GABPB2: variants seen among roughly 807,000 people sequenced by gnomAD.
GABPB2 encodes the protein GA-binding protein subunit beta-2.
GABPB2 carries 23 observed loss-of-function variants against 39.1 expected under a neutral mutation model. That is an observed-to-expected ratio of 0.59 (90% CI 0.42 to 0.83). GABPB2 has a LOEUF of 0.83. Among genes scored for constraint, GABPB2 ranks in the 40% least tolerant of loss-of-function variants. The probability of loss-of-function intolerance (pLI) is 0.00; values close to 1 mark genes in which losing one functional copy is unlikely to be tolerated. For synonymous variants in GABPB2, 184 were observed against 199.3 expected (o/e 0.92, Z 0.65); for missense variants, 467 against 541.1 (o/e 0.86, Z 1.36).
intron 1 of GABPB2, among the ~76,000 whole-genome samples, chr1:151,074,239 T>G (rs906889778): frequency 6.6e-6 from 1 of 150,568 alleles, no homozygotes; most frequent in African/African-American, 2.4e-5. Flanking sequence ...CCTCCCAAAG[T>G]GCTAGGATTA....
At chr1:151,088,087 C>G (rs1344295261) in intron 1 of GABPB2, 103 bp from the exon 2 acceptor site, 2 of 749,422 alleles carry the variant, frequency 2.7e-6, no homozygotes, top group African/African-American at 1.8e-5. Flanking sequence ...TGAGATGTAT[C>G]TTATATACAT....
intron 5 of GABPB2, among the ~76,000 whole-genome samples, chr1:151,102,427 T>C (rs1205557410): frequency 6.6e-6 from 1 of 152,204 alleles, no homozygotes. Context: ...TGACATTCAA[T>C]ATATGAAACT....
At chr1:151,098,972 T>C (rs1454901186) in intron 5 of GABPB2, among the ~76,000 whole-genome samples, 1 of 151,254 alleles carries the variant, frequency 6.6e-6, no homozygotes, top group Non-Finnish European at 1.5e-5. Context: ...TAATCCCAGC[T>C]ACTTGTGAGA....
intron 7 of GABPB2, 118 bp downstream of exon 7, chr1:151,107,340 G>T: frequency 1.7e-6 from 1 of 597,126 alleles, no homozygotes; most frequent in Non-Finnish European, 2.5e-6. Flanking sequence ...ATGCAAGTTG[G>T]GGCAAAGAAG....
chr1:151,086,580 G>A lies in GABPB2; in HGVS notation c.1-1610G>A, dbSNP rs143567022. ...TTTGACCTCATAGTTCCCTAAAAAG[G>A]CATCAGGGACCACCAGGGGTCCATA... is the stretch of plus-strand genomic sequence containing the variant. On this transcript the variant is annotated intron_variant, in intron 1 of 8. Transcript: ENST00000368918. Among the ~76,000 whole-genome samples the A allele has an allele frequency of 2.0e-3, 308 of 152,112 alleles. 2 individuals are homozygous for A. The highest frequency in any genetic ancestry group is 7.0e-3 in the African/African-American group (291 of 41,504).
intron 1 of GABPB2, 63 bp from the exon 2 acceptor site, chr1:151,088,127 A>G: frequency 8.8e-7 from 1 of 1,142,284 alleles, no homozygotes; most frequent in Non-Finnish European, 1.3e-6. Flanking sequence ...TAAAAAATGT[A>G]TTGGCGGCTT....
At chr1:151,085,796 T>C (rs1465309941) in intron 1 of GABPB2, among the ~76,000 whole-genome samples, 1 of 152,140 alleles carries the variant, frequency 6.6e-6, no homozygotes, top group African/African-American at 2.4e-5. Flanking sequence ...TAGTGCTTTT[T>C]CTCAAGAAAA....
At chr1:151,072,273 G>A (rs1306534727) in intron 1 of GABPB2, among the ~76,000 whole-genome samples, 1 of 152,348 alleles carries the variant, frequency 6.6e-6, no homozygotes, top group East Asian at 1.9e-4. Context: ...TTGGCCGGGC[G>A]CAGTGGCTCA....
chr1:151,106,828 A>C (rs191178034), intron 6 of GABPB2, among the ~76,000 whole-genome samples: 386 of 152,282 alleles, frequency 2.5e-3, no homozygotes, highest in Non-Finnish European at 4.3e-3. Context: ...CAGTGAACAC[A>C]TTTTACAAAA....
chr1:151,115,529 T>G (rs1462237213), intron 7 of GABPB2, among the ~76,000 whole-genome samples: 2 of 150,742 alleles, frequency 1.3e-5, no homozygotes, highest in Admixed American at 1.3e-4. Flanking sequence ...GCCTCCCGAG[T>G]AGCTGGGATT....
At position 151,093,187 on chromosome 1, in the gene GABPB2, G is replaced by T; in HGVS notation, c.277-5G>T. ...TTTGTTGAAAAAAATGCTTTTCTGTGACAGAATGGTGCAGATGTGAATGCC... is the reference window on the plus strand; with the variant it reads ...TTTGTTGAAAAAAATGCTTTTCTGTTACAGAATGGTGCAGATGTGAATGCC... On this transcript the variant is annotated splice_polypyrimidine_tract_variant and splice_region_variant and intron_variant, in intron 3 of 8. Coordinates refer to ENST00000368918, the MANE Select transcript of GABPB2 (RefSeq NM_144618.3). 3.2e-6 allele frequency: 5 copies of T among 1,538,542 alleles called. No homozygotes were observed. The highest frequency in any genetic ancestry group is 4.4e-6 in the Non-Finnish European group (5 of 1,141,576).
chr1:151,093,794 A>C (rs987237186), intron 4 of GABPB2, among the ~76,000 whole-genome samples: 2 of 151,790 alleles, frequency 1.3e-5, no homozygotes, highest in Admixed American at 1.3e-4. Flanking sequence ...TGTTTTCTGA[A>C]TATTCATCAA....
At chr1:151,102,689 G>C (rs587622223) in intron 5 of GABPB2, among the ~76,000 whole-genome samples, 35 of 152,198 alleles carry the variant, frequency 2.3e-4, no homozygotes, top group African/African-American at 7.7e-4. Flanking sequence ...TGATCCATCC[G>C]CCTCGGCCTC....
intron 2 of GABPB2, among the ~76,000 whole-genome samples, chr1:151,088,948 G>A (rs373157253): frequency 3.3e-5 from 5 of 151,844 alleles, no homozygotes; most frequent in South Asian, 2.1e-4. Flanking sequence ...TGCAGTGAGC[G>A]GAGATTGCAC....
chr1:151,112,266 T>C (rs1313133806), intron 7 of GABPB2: 1 of 145,758 alleles, frequency 6.9e-6, no homozygotes, highest in Non-Finnish European at 1.5e-5. Context: ...CTTCATGTAC[T>C]GATGGAAAGG....
intron 3 of GABPB2, among the ~76,000 whole-genome samples, chr1:151,092,891 T>C (rs377598417): frequency 1.4e-4 from 22 of 152,340 alleles, no homozygotes; most frequent in African/African-American, 5.0e-4. Context: ...TCTGCACTTA[T>C]GCCTATTTAT....
chr1:151,113,986 T>C (rs929535105), intron 7 of GABPB2, among the ~76,000 whole-genome samples: 5 of 152,204 alleles, frequency 3.3e-5, no homozygotes, highest in Non-Finnish European at 7.3e-5. Flanking sequence ...GATATGGATG[T>C]ACCACAGTTT....
At chr1:151,075,815 C>T (rs1018648136) in intron 1 of GABPB2, among the ~76,000 whole-genome samples, 2 of 152,092 alleles carry the variant, frequency 1.3e-5, no homozygotes, top group African/African-American at 4.8e-5. Context: ...TCACCCAACT[C>T]CTATGCAAGA....
intron 1 of GABPB2, among the ~76,000 whole-genome samples, chr1:151,086,164 G>A (rs941702479): frequency 9.2e-5 from 14 of 152,058 alleles, no homozygotes; most frequent in Admixed American, 6.6e-4. Context: ...AGGATCCCAT[G>A]AGCCCAGGAG....
Sources: allele counts gnomAD v4.1 joint callset (sites outside exome capture counted in the v4.1 genomes callset), GRCh38; gene constraint gnomAD v4.1.1; transcripts MANE v1.5; gene names NCBI Gene and HGNC (gene_info 2026-07-23, HGNC 2026-07-21).